DIAPH3: variants seen among roughly 807,000 people sequenced by gnomAD.
DIAPH3 encodes protein diaphanous homolog 3.
Under a neutral mutation model 144.3 loss-of-function variants are expected in DIAPH3, and 117 were observed. That is an observed-to-expected ratio of 0.81 (90% confidence interval 0.70 to 0.95). The LOEUF is 0.95. Among genes scored for constraint, DIAPH3 ranks in the 40% least tolerant of loss-of-function variants. DIAPH3 has a pLI of 0.00. For missense variants in DIAPH3, 1,421 were observed against 1,412.7 expected (o/e 1.01, Z -0.09); for synonymous variants, 519 against 488.9 (o/e 1.06, Z -0.81).
At chr13:59,751,750 A>C (rs2037018072) in intron 27 of DIAPH3, among the ~76,000 whole-genome samples, 1 of 152,262 alleles carries the variant, frequency 6.6e-6, no homozygotes, top group African/African-American at 2.4e-5. Context: ...TTTTTGAAGT[A>C]AACTTTTAAA....
chr13:59,976,087 C>T (rs1421585643), intron 14 of DIAPH3, among the ~76,000 whole-genome samples: 2 of 151,958 alleles, frequency 1.3e-5, no homozygotes, highest in African/African-American at 4.8e-5. Flanking sequence ...CCTCATTTTA[C>T]TCCTTATAAC....
intron 4 of DIAPH3, among the ~76,000 whole-genome samples, chr13:60,082,297 A>G (rs1297379385): frequency 3.3e-5 from 5 of 151,778 alleles, no homozygotes. Flanking sequence ...AGCATTTGGG[A>G]GAAGACGGCA....
intron 17 of DIAPH3, among the ~76,000 whole-genome samples, chr13:59,927,384 T>C (rs1308827346): frequency 1.3e-5 from 2 of 152,230 alleles, no homozygotes; most frequent in African/African-American, 2.4e-5. Flanking sequence ...TTGTTTTGTA[T>C]ATCCTTTGTT....
Position 60,123,753 on chromosome 13 carries a change from T to A in DIAPH3, c.213+9204A>T, listed in dbSNP as rs2058909297. 1.3e-5 allele frequency among the ~76,000 whole-genome samples: 2 copies of A among 152,180 alleles called. 1 individual carries two copies. The highest frequency in any genetic ancestry group is 4.1e-4 in the South Asian group (2 of 4,832). Reference sequence around the variant, plus strand: ...AAACTGTGGTTGGGCAGATGGTACATCACACTTTTTATCACTCATTGTTAT... The same window carrying A: ...AAACTGTGGTTGGGCAGATGGTACAACACACTTTTTATCACTCATTGTTAT... On this transcript the variant is annotated intron_variant, in intron 2 of 27. Coordinates refer to ENST00000400324, the MANE Select transcript of DIAPH3 (RefSeq NM_001042517.2).
chr13:59,903,560 C>T (rs773013222), intron 20 of DIAPH3, among the ~76,000 whole-genome samples: 1 of 150,246 alleles, frequency 6.7e-6, no homozygotes, highest in Non-Finnish European at 1.5e-5. Flanking sequence ...TTGTACTAGA[C>T]AAACCTAGAA....
chr13:59,990,257 G>A (rs2051725496), intron 12 of DIAPH3, among the ~76,000 whole-genome samples: 2 of 151,362 alleles, frequency 1.3e-5, no homozygotes, highest in South Asian at 4.2e-4. Flanking sequence ...TAACATTTTG[G>A]GTCTCCTCCT....
intron 27 of DIAPH3, among the ~76,000 whole-genome samples, chr13:59,686,017 C>T (rs991959210): frequency 1.3e-5 from 2 of 152,108 alleles, no homozygotes; most frequent in Non-Finnish European, 2.9e-5. Flanking sequence ...AAATGTGCCA[C>T]TGCATGTGAC....
At chr13:60,159,641 A>C (rs1317691994) in intron 1 of DIAPH3, among the ~76,000 whole-genome samples, 1 of 151,976 alleles carries the variant, frequency 6.6e-6, no homozygotes, top group Admixed American at 6.6e-5. Context: ...AAAAAAAAGA[A>C]AGAAAGAAAG....
intron 21 of DIAPH3, among the ~76,000 whole-genome samples, chr13:59,867,379 C>T (rs1290071866): frequency 6.6e-6 from 1 of 151,626 alleles, no homozygotes; most frequent in Non-Finnish European, 1.5e-5. Context: ...ATATAACTTT[C>T]TTAATAATTC....
chr13:59,778,676 T>C (rs1169614166), intron 25 of DIAPH3, among the ~76,000 whole-genome samples: 1 of 152,224 alleles, frequency 6.6e-6, no homozygotes, highest in Non-Finnish European at 1.5e-5. Flanking sequence ...CTCCCCATTA[T>C]CTCCTGAACT....
At chr13:59,926,139 C>A (rs1452818229) in intron 17 of DIAPH3, among the ~76,000 whole-genome samples, 1 of 151,980 alleles carries the variant, frequency 6.6e-6, no homozygotes, top group African/African-American at 2.4e-5. Context: ...ATGTGTGCCA[C>A]CACATTCAGC....
intron 25 of DIAPH3, among the ~76,000 whole-genome samples, chr13:59,810,095 T>C (rs1797179544): frequency 6.6e-6 from 1 of 152,190 alleles, no homozygotes; most frequent in African/African-American, 2.4e-5. Context: ...TTGAAACATA[T>C]TGACAACAAT....
intron 1 of DIAPH3, among the ~76,000 whole-genome samples, chr13:60,148,222 C>T (rs1951626543): frequency 6.6e-6 from 1 of 152,144 alleles, no homozygotes; most frequent in Admixed American, 6.5e-5. Flanking sequence ...ACCTCTAAGC[C>T]ATCCATGTAA....
Position 59,979,710 on chromosome 13 carries a change from A to C in DIAPH3, c.1545+1085T>G, listed in dbSNP as rs995161782. 2.6e-5 allele frequency among the ~76,000 whole-genome samples: 4 copies of C among 151,808 alleles called. No individual in the cohort carries two copies. The East Asian group carries it at 7.8e-4, about 29-fold the overall frequency. The stretch of plus-strand genomic sequence containing the variant: ...TATGTTTTATCTTCAAAGCTATAGA[A>C]ATGTGCAACTGCCTCAAGATACATT... On this transcript the variant is annotated intron_variant, in intron 14 of 27. Transcript: ENST00000400324.
At chr13:60,159,953 C>T (rs559152818) in intron 1 of DIAPH3, among the ~76,000 whole-genome samples, 9 of 152,084 alleles carry the variant, frequency 5.9e-5, no homozygotes, top group South Asian at 4.1e-4. Context: ...CGGCCAGGCG[C>T]GGTGGCTCAC....
chr13:59,930,436 C>T (rs2047968770), intron 17 of DIAPH3, among the ~76,000 whole-genome samples: 2 of 152,138 alleles, frequency 1.3e-5, no homozygotes, highest in South Asian at 4.1e-4. Flanking sequence ...GGGATAAATA[C>T]CTAAGCAAAG....
intron 27 of DIAPH3, among the ~76,000 whole-genome samples, chr13:59,721,492 TAA>T (rs1372991647): frequency 1.3e-5 from 2 of 152,310 alleles, no homozygotes; most frequent in Middle Eastern, 3.4e-3. Context: ...ATGTTTTTTT[TAA>T]AGTTATTTGT....
intron 17 of DIAPH3, among the ~76,000 whole-genome samples, chr13:59,955,023 T>G (rs2049311641): frequency 6.6e-6 from 1 of 151,572 alleles, no homozygotes; most frequent in African/African-American, 2.4e-5. Flanking sequence ...AATCCAACGA[T>G]TACTCAACTT....
chr13:59,913,272 T>C (rs2047078830), intron 19 of DIAPH3, among the ~76,000 whole-genome samples: 1 of 152,154 alleles, frequency 6.6e-6, no homozygotes, highest in East Asian at 1.9e-4. Flanking sequence ...ACTATTGTGA[T>C]TTTTAAGTGC....
Sources: gnomAD v4.1 joint callset for allele counts (sites outside exome capture counted in the v4.1 genomes callset) on GRCh38, gnomAD v4.1.1 for gene constraint, MANE v1.5 for transcripts, NCBI Gene and HGNC (gene_info 2026-07-23, HGNC 2026-07-21) for gene names.